DYM: variants seen among roughly 807,000 people sequenced by gnomAD.
DYM encodes dymeclin.
A neutral mutation model predicts 93.1 loss-of-function variants in DYM; 78 were observed. The observed-to-expected ratio is 0.84, with a 90% CI of 0.70 to 1.01. DYM has a LOEUF of 1.01. DYM is among the 50% of genes least tolerant of loss of function. The probability of loss-of-function intolerance (pLI) is 0.00; values close to 1 mark genes in which losing one functional copy is unlikely to be tolerated. For synonymous variants in DYM, 321 were observed against 319.7 expected, an observed-to-expected ratio of 1.00 and a Z score of -0.04; for missense variants, 789 against 845.0, an observed-to-expected ratio of 0.93 and a Z score of 0.82.
intron 16 of DYM, among the ~76,000 whole-genome samples, chr18:49,113,585 A>C (rs1454837702): frequency 6.6e-6 from 1 of 152,190 alleles, no homozygotes; most frequent in Non-Finnish European, 1.5e-5. Flanking sequence ...GCCCACTAAA[A>C]ATAACAGTAG....
At chr18:49,429,437 G>A (rs1296038556) in intron 2 of DYM, among the ~76,000 whole-genome samples, 1 of 152,188 alleles carries the variant, frequency 6.6e-6, no homozygotes, top group Non-Finnish European at 1.5e-5. Context: ...GTTATTGAGT[G>A]TATGGGAATT....
chr18:49,310,327 A>G (rs1019513157), intron 8 of DYM, among the ~76,000 whole-genome samples: 18 of 152,208 alleles, frequency 1.2e-4, no homozygotes, highest in Non-Finnish European at 2.9e-5. Flanking sequence ...AATTTAAGTT[A>G]CCCTGAACTT....
At chr18:49,416,019 T>A (rs1028375507) in intron 2 of DYM, among the ~76,000 whole-genome samples, 3 of 152,016 alleles carry the variant, frequency 2.0e-5, no homozygotes, top group Admixed American at 6.6e-5. Flanking sequence ...GCAGAACAAT[T>A]AGTTCAAAAG....
At chr18:49,069,844 C>A (rs1363688629) in intron 17 of DYM, among the ~76,000 whole-genome samples, 1 of 152,086 alleles carries the variant, frequency 6.6e-6, no homozygotes, top group Non-Finnish European at 1.5e-5. Context: ...AGTTTGAGAC[C>A]GGCCTGACCA....
At chr18:49,355,187 G>A (rs1358588173) in intron 6 of DYM, among the ~76,000 whole-genome samples, 1 of 151,820 alleles carries the variant, frequency 6.6e-6, no homozygotes, top group Non-Finnish European at 1.5e-5. Flanking sequence ...TTGATACATT[G>A]ATAGATACAA....
At chr18:49,328,138 GAATA>G (rs767095718) in intron 8 of DYM, among the ~76,000 whole-genome samples, 13 of 152,234 alleles carry the variant, frequency 8.5e-5, no homozygotes, top group Non-Finnish European at 1.8e-4. Flanking sequence ...CCTATTATGA[GAATA>G]AATGAGATGC....
At chr18:49,242,647 TGAAAGG>T (rs1049378526) in intron 13 of DYM, among the ~76,000 whole-genome samples, 1 of 152,178 alleles carries the variant, frequency 6.6e-6, no homozygotes, top group African/African-American at 2.4e-5. Context: ...TGTAGGTCAC[TGAAAGG>T]GAAGTACACC....
chr18:49,237,763 C>T (rs1002073885), intron 13 of DYM, among the ~76,000 whole-genome samples: 2 of 152,122 alleles, frequency 1.3e-5, no homozygotes, highest in Non-Finnish European at 2.9e-5. Flanking sequence ...GTGTGTCCTT[C>T]CAGAGTTTCT....
chr18:49,383,930 A>G (rs1040113907), intron 3 of DYM, among the ~76,000 whole-genome samples: 2 of 150,990 alleles, frequency 1.3e-5, no homozygotes, highest in Non-Finnish European at 3.0e-5. Flanking sequence ...CAAAATTGCC[A>G]AAAGAATTTT....
chr18:49,220,631 C>A (rs1290990148), intron 13 of DYM, among the ~76,000 whole-genome samples: 1 of 152,026 alleles, frequency 6.6e-6, no homozygotes. Context: ...CGTTGACAAA[C>A]CTGAGAAAAA....
intron 8 of DYM, among the ~76,000 whole-genome samples, chr18:49,329,326 C>A (rs1252875200): frequency 6.6e-5 from 10 of 151,316 alleles, no homozygotes; most frequent in Non-Finnish European, 1.5e-5. Context: ...AGGAGAAATA[C>A]CTAATGTAAA....
chr18:49,121,167 T>C (rs1463327226), intron 15 of DYM, among the ~76,000 whole-genome samples: 1 of 152,208 alleles, frequency 6.6e-6, no homozygotes, highest in African/African-American at 2.4e-5. Flanking sequence ...TTTGAATTGA[T>C]TGGGAATTTC....
chr18:49,418,816 G>A (rs137894178), intron 2 of DYM, among the ~76,000 whole-genome samples: 2 of 152,202 alleles, frequency 1.3e-5, no homozygotes, highest in African/African-American at 4.8e-5. Flanking sequence ...AGCCTACTCA[G>A]TCCCAAGGTC....
At chr18:49,355,154 TGATA>T (rs1363754504) in intron 6 of DYM, among the ~76,000 whole-genome samples, 4 of 151,976 alleles carry the variant, frequency 2.6e-5, no homozygotes, top group African/African-American at 4.8e-5. Context: ...TACATGACAA[TGATA>T]GATACATTGA....
chr18:49,424,525 T>G (rs957095470), intron 2 of DYM, among the ~76,000 whole-genome samples: 2 of 151,856 alleles, frequency 1.3e-5, no homozygotes, highest in Admixed American at 1.3e-4. Context: ...CTGTTCAACA[T>G]AGTGTTGGAA....
rs763476399 is a variant in DYM at position 49,286,475 on chromosome 18, T to G, written c.905A>C (p.Asn302Thr). ...GGACATAATGGCTTGTCTGTAGGGGTTTGGCGCATCTGAGGCATCTGTCAG... is the reference window on the plus strand; with the variant it reads ...GGACATAATGGCTTGTCTGTAGGGGGTTGGCGCATCTGAGGCATCTGTCAG... ...ANLTDASDAP[N>T]PYRQAIMSFK... Residue 302 changes from asparagine (N) to threonine (T), a missense_variant, in exon 9 of 18, where the codon AAC becomes ACC. This residue lies in a region of DYM where 450 missense variants were observed against 436.2 expected (regional missense o/e 1.03). Coordinates refer to ENST00000675505, the MANE Select transcript of DYM (RefSeq NM_001353214.3). 6.7e-5 allele frequency: 108 copies of G among 1,613,826 alleles called. No homozygotes were observed. The highest frequency in any genetic ancestry group is 3.3e-4 in the Middle Eastern group (2 of 6,080).
chr18:49,290,893 T>C (rs1183786868), intron 8 of DYM, among the ~76,000 whole-genome samples: 1 of 151,920 alleles, frequency 6.6e-6, no homozygotes, highest in Non-Finnish European at 1.5e-5. Context: ...TAATAAGCAA[T>C]TAAAAATAAT....
At chr18:49,225,694 C>T (rs548299587) in intron 13 of DYM, among the ~76,000 whole-genome samples, 4 of 152,176 alleles carry the variant, frequency 2.6e-5, no homozygotes, top group African/African-American at 9.6e-5. Context: ...TGTATACCAT[C>T]ACTGGTACTT....
intron 13 of DYM, among the ~76,000 whole-genome samples, chr18:49,245,611 C>A (rs141973491): frequency 6.6e-6 from 1 of 152,196 alleles, no homozygotes; most frequent in Non-Finnish European, 1.5e-5. Context: ...TCTCTGCTCT[C>A]GAACCCTATT....
Sources: gnomAD v4.1 joint callset for allele counts (sites outside exome capture counted in the v4.1 genomes callset) on GRCh38, gnomAD v4.1.1 for gene constraint, gnomAD v4.1.1 regional missense constraint, MANE v1.5 for transcripts, NCBI Gene and HGNC (gene_info 2026-07-23, HGNC 2026-07-21) for gene names.